The following NPLOC4 variants were observed in gnomAD, a reference collection of about 807,000 sequenced individuals.
The protein encoded by NPLOC4 is NPL4 homolog, ubiquitin recognition factor.
A neutral mutation model predicts 80.6 loss-of-function variants in NPLOC4; 18 were observed. The ratio of observed to expected loss-of-function variants is 0.22; its 90% CI spans 0.15 to 0.33. The LOEUF (loss-of-function observed/expected upper bound fraction) is 0.33, where lower values mean the gene tolerates loss of function less well. NPLOC4 is among the 10% of genes least tolerant of loss of function. NPLOC4 has a pLI of 1.00. For missense variants in NPLOC4, 540 were observed against 786.1 expected (o/e 0.69, Z 3.74); for synonymous variants, 313 against 301.5 (o/e 1.04, Z -0.39).
At chr17:81,604,296 A>G (rs771990862) in intron 8 of NPLOC4, among the ~76,000 whole-genome samples, 2 of 152,158 alleles carry the variant, frequency 1.3e-5, no homozygotes, top group Non-Finnish European at 2.9e-5. Flanking sequence ...CAGACGAGAT[A>G]AAAACACTGG....
intron 11 of NPLOC4, among the ~76,000 whole-genome samples, chr17:81,591,375 C>T (rs965352245): frequency 2.2e-5 from 3 of 137,022 alleles, no homozygotes; most frequent in Admixed American, 1.6e-4. Flanking sequence ...GCAGAGGCTG[C>T]GATGAGCTGA....
At chr17:81,630,010 G>A (rs2035889239) in intron 1 of NPLOC4, 1 of 516,134 alleles carries the variant, frequency 1.9e-6, no homozygotes, top group African/African-American at 1.9e-5. Context: ...GATATTTTAA[G>A]AGTACTGTCC....
Position 81,600,577 on chromosome 17 carries a change from C to T in NPLOC4, c.835-150G>A, listed in dbSNP as rs535332380. The T allele has an allele frequency of 2.1e-4, 130 of 631,670 alleles. No individual in the cohort carries two copies. In the Middle Eastern group the frequency reaches 2.3e-3, roughly 11 times the overall value. The allele number at this position is 631,670 out of a possible 1,614,324, so 39.1% of individuals were successfully genotyped here. A position where few individuals can be genotyped will look rare whatever the true frequency, so the allele number is the denominator to read the frequency against. On this transcript the variant is annotated intron_variant, in intron 8 of 16. Coordinates refer to ENST00000331134, the MANE Select transcript of NPLOC4 (RefSeq NM_017921.4). ...ACTATAGCCACAGATAAAACACATG[C>T]GACACGCCTCCCGGCTTCTCTCCTT... is the stretch of plus-strand genomic sequence containing the variant.
At chr17:81,626,776 C>G (rs1323215808) in intron 2 of NPLOC4, among the ~76,000 whole-genome samples, 1 of 151,908 alleles carries the variant, frequency 6.6e-6, no homozygotes, top group Non-Finnish European at 1.5e-5. Context: ...CCAACCTAGG[C>G]AAAAATAATA....
chr17:81,609,368 A>G (rs11651264), intron 5 of NPLOC4, among the ~76,000 whole-genome samples: 69,144 of 151,912 alleles, frequency 0.46, 16,856 homozygotes, highest in Non-Finnish European at 0.55. Context: ...AGGTTGGAGT[A>G]TGGTGGTGCA....
intron 11 of NPLOC4, among the ~76,000 whole-genome samples, chr17:81,589,800 C>A (rs1209890131): frequency 6.6e-6 from 1 of 151,290 alleles, no homozygotes; most frequent in African/African-American, 2.4e-5. Flanking sequence ...GAGTTTGAGA[C>A]CAGTCTGGGC....
At chr17:81,592,920 T>C (rs1462974068) in intron 11 of NPLOC4, among the ~76,000 whole-genome samples, 1 of 152,140 alleles carries the variant, frequency 6.6e-6, no homozygotes, top group Non-Finnish European at 1.5e-5. Context: ...GAGGCAGAAG[T>C]TGCAGTGAGC....
At chr17:81,601,525 G>A (rs1303013752) in intron 8 of NPLOC4, among the ~76,000 whole-genome samples, 1 of 152,120 alleles carries the variant, frequency 6.6e-6, no homozygotes, top group Non-Finnish European at 1.5e-5. Flanking sequence ...ACAAAGTGCT[G>A]GGATTATAGA....
At chr17:81,565,124 C>A in intron 16 of NPLOC4, 1 of 594,260 alleles carries the variant, frequency 1.7e-6, no homozygotes, top group Non-Finnish European at 3.0e-6. Flanking sequence ...CAGCTTTAAG[C>A]ACTAAAGGGA....
In NPLOC4 at chr17:81,580,666, T is replaced by C. The variant is rs115104756; in HGVS notation, c.1281+8278A>G. On this transcript the variant is annotated intron_variant, in intron 12 of 16. Coordinates refer to ENST00000331134, the MANE Select transcript of NPLOC4 (RefSeq NM_017921.4). The surrounding 1 kb of genome is among the most constrained non-coding windows in gnomAD (Gnocchi z 4.4). ...CTCAGGACTCGACCCACCAGGGCAC[T>C]CCAAGCTTCTCTACCCGTTCCGCTG... Among the ~76,000 whole-genome samples, 313 of 152,296 alleles carry C rather than the reference T, an allele frequency of 2.1e-3. 3 individuals carry two copies. The highest frequency in any genetic ancestry group is 7.2e-3 in the African/African-American group (301 of 41,570).
chr17:81,617,941 A>T (rs2035546546), intron 3 of NPLOC4, among the ~76,000 whole-genome samples: 1 of 152,164 alleles, frequency 6.6e-6, no homozygotes, highest in South Asian at 2.1e-4. Context: ...TTGCAGACGG[A>T]GTCTCGTTCA....
chr17:81,624,158 C>T lies in NPLOC4; in HGVS notation c.97-1880G>A, dbSNP rs150961650. On this transcript the variant is annotated intron_variant, in intron 2 of 16. Coordinates refer to ENST00000331134, the MANE Select transcript of NPLOC4 (RefSeq NM_017921.4). ...AAATTAGGCCAGGTGTGGTGACTCA[C>T]GCCTGTAATCCCAGCACTCTGGGAG... 4.0e-3 allele frequency among the ~76,000 whole-genome samples: 613 copies of T among 152,118 alleles called. 4 individuals carry two copies. Among genetic ancestry groups the T allele is most frequent in the African/African-American group, 0.014 (595 of 41,490 alleles).
chr17:81,592,712 A>T (rs565894479), intron 11 of NPLOC4, among the ~76,000 whole-genome samples: 2 of 152,328 alleles, frequency 1.3e-5, no homozygotes, highest in South Asian at 4.1e-4. Flanking sequence ...GACTGGGCAC[A>T]GTGGCTCACA....
At chr17:81,563,738 G>A (rs2033921555) in intron 16 of NPLOC4, 1 of 350,382 alleles carries the variant, frequency 2.9e-6, no homozygotes, top group Admixed American at 3.8e-5. Flanking sequence ...AACACAGTGA[G>A]ACCTCATTGA....
chr17:81,572,439 C>T lies in NPLOC4; in HGVS notation c.1282-351G>A, dbSNP rs1446126913. 6.6e-6 allele frequency among the ~76,000 whole-genome samples: 1 copy of T among 152,202 alleles called. No individual in the cohort carries two copies. The highest frequency in any genetic ancestry group is 1.5e-5 in the Non-Finnish European group (1 of 68,038). On this transcript the variant is annotated intron_variant, in intron 12 of 16. Transcript: ENST00000331134. This position sits in a 1 kb window ranked among gnomAD's most constrained non-coding sequence, Gnocchi z 4.5. ...ATCTCCTGACCTCGTGATCCACCCGCCTCAGCCCCCCAAAGTGCTGGGATT... is the reference window on the plus strand; with the variant it reads ...ATCTCCTGACCTCGTGATCCACCCGTCTCAGCCCCCCAAAGTGCTGGGATT...
At position 81,610,218 on chromosome 17, in the gene NPLOC4, G is replaced by A. The variant is rs1211837367; in HGVS notation, c.427C>T (p.Pro143Ser). The A allele has an allele frequency of 6.4e-7, 1 of 1,574,084 alleles. No homozygotes were observed. The highest frequency in any genetic ancestry group is 2.4e-5 in the East Asian group (1 of 42,494). Reference sequence around the variant, plus strand: ...TCCGCAGAGACTCTCACCTCTAGAGGGACGCAGTGCACGCATTTCCCCAAA... The same window carrying A: ...TCCGCAGAGACTCTCACCTCTAGAGAGACGCAGTGCACGCATTTCCCCAAA... ...GPLGKCVHCV[P>S]LEPFDEDYLN... Residue 143 changes from proline (P) to serine (S), a missense_variant, in exon 5 of 17, where the codon CCT becomes TCT. Around this residue, in one of 6 missense-constraint regions of NPLOC4, gnomAD observed 74 missense variants for 75.7 expected, o/e 0.98. Transcript: ENST00000331134.
At chr17:81,571,570 C>T (rs1195870699) in intron 13 of NPLOC4, among the ~76,000 whole-genome samples, 1 of 152,234 alleles carries the variant, frequency 6.6e-6, no homozygotes, top group African/African-American at 2.4e-5. Flanking sequence ...GCTGTGGCAG[C>T]TGTGCTGGGG....
At chr17:81,565,143 A>T in intron 16 of NPLOC4, 2 of 598,166 alleles carry the variant, frequency 3.3e-6, no homozygotes, top group East Asian at 5.5e-5. Flanking sequence ...GAAATTCTCA[A>T]GGAGACCAAA....
At position 81,569,126 on chromosome 17, in the gene NPLOC4, C is replaced by T. The variant is rs757673898; in HGVS notation, c.1354-15G>A. 1 of 1,559,188 alleles carries T rather than the reference C, an allele frequency of 6.4e-7. No homozygotes were observed. The highest frequency in any genetic ancestry group is 1.1e-5 in the South Asian group (1 of 89,970). ...GTTGTTGTGATCTAATGAAGAAAAACACAAACCCATGATAAATGAGGCTGA... is the reference window on the plus strand; with the variant it reads ...GTTGTTGTGATCTAATGAAGAAAAATACAAACCCATGATAAATGAGGCTGA... On this transcript the variant is annotated splice_polypyrimidine_tract_variant and intron_variant, in intron 13 of 16. Coordinates refer to ENST00000331134, the MANE Select transcript of NPLOC4 (RefSeq NM_017921.4).
Sources: gnomAD v4.1 joint callset for allele counts (sites outside exome capture counted in the v4.1 genomes callset) on GRCh38, gnomAD v4.1.1 for gene constraint, gnomAD v4.1.1 regional missense constraint, Gnocchi (gnomAD v3.1) non-coding constraint, MANE v1.5 for transcripts, NCBI Gene and HGNC (gene_info 2026-07-23, HGNC 2026-07-21) for gene names.